Variants in SNTB2 observed in about 807,000 individuals in gnomAD.
SNTB2 encodes beta-2-syntrophin.
A neutral mutation model predicts 46.2 loss-of-function variants in SNTB2; 34 were observed. That is an observed-to-expected ratio of 0.74 (90% confidence interval 0.56 to 0.98). The LOEUF is 0.98. Among genes scored for constraint, SNTB2 ranks in the 50% least tolerant of loss-of-function variants. SNTB2 has a pLI of 0.00. For synonymous variants in SNTB2, 290 were observed against 312.6 expected (o/e 0.93, Z 0.76); for missense variants, 603 against 731.4 (o/e 0.82, Z 2.02).
intron 2 of SNTB2, among the ~76,000 whole-genome samples, chr16:69,258,605 C>CTTTTTTTT (rs67116274): frequency 1.7e-4 from 14 of 83,500 alleles, no homozygotes; most frequent in South Asian, 4.4e-4. Context: ...CTTGTTCTTT[C>CTTTTTTTT]TTTTTTTTTT....
chr16:69,227,082 T>TAA (rs1214654786), intron 1 of SNTB2, among the ~76,000 whole-genome samples: 1 of 152,216 alleles, frequency 6.6e-6, no homozygotes, highest in African/African-American at 2.4e-5. Context: ...CAAGGGCCTT[T>TAA]TATTCAAACA....
chr16:69,187,195 C>A lies in SNTB2; in HGVS notation c.29C>A (p.Ala10Asp), dbSNP rs1963996157. 3 of 1,384,244 alleles carry A rather than the reference C, an allele frequency of 2.2e-6. No homozygotes were observed. Among genetic ancestry groups the A allele is most frequent in the Non-Finnish European group, 1.9e-6 (2 of 1,067,008 alleles). The allele number at this position is 1,384,244 out of a possible 1,614,324, so 85.7% of individuals were successfully genotyped here. The part of the protein sequence containing the change: MRVAAATAA[A>D]GAGPAMAVWT... ...AGGGTAGCTGCGGCGACTGCGGCGG[C>A]TGGAGCGGGGCCGGCCATGGCGGTG... Residue 10 changes from alanine to aspartate, a missense_variant, in exon 1 of 7, where the codon GCT (alanine) becomes GAT (aspartate). By Grantham distance (126) the Ala-to-Asp change is moderately radical. This residue lies in a region of SNTB2 where 66 missense variants were observed against 39.0 expected (regional missense o/e 1.69). Transcript: ENST00000336278.
At chr16:69,192,849 T>C (rs763780416) in intron 1 of SNTB2, among the ~76,000 whole-genome samples, 2 of 152,208 alleles carry the variant, frequency 1.3e-5, no homozygotes, top group Non-Finnish European at 2.9e-5. Context: ...ATAAAAGAAA[T>C]ATAAAATTCA....
intron 2 of SNTB2, among the ~76,000 whole-genome samples, chr16:69,257,377 T>G (rs1964787817): frequency 1.3e-5 from 2 of 151,928 alleles, no homozygotes; most frequent in Admixed American, 1.3e-4. Flanking sequence ...AACTTTCAAA[T>G]ATGGACTTTT....
chr16:69,197,546 A>G (rs1237470837), intron 1 of SNTB2, among the ~76,000 whole-genome samples: 1 of 152,184 alleles, frequency 6.6e-6, no homozygotes, highest in African/African-American at 2.4e-5. Context: ...TTGTAATGTA[A>G]AAATTAATTT....
At chr16:69,292,396 A>AT (rs1965175115) in intron 5 of SNTB2, among the ~76,000 whole-genome samples, 2 of 30,934 alleles carry the variant, frequency 6.5e-5, no homozygotes, top group East Asian at 6.6e-4. Flanking sequence ...TATATTATAT[A>AT]TATATATATA....
At chr16:69,214,142 A>AT (rs1567399253) in intron 1 of SNTB2, among the ~76,000 whole-genome samples, 2 of 95,306 alleles carry the variant, frequency 2.1e-5, no homozygotes, top group African/African-American at 4.3e-5. Flanking sequence ...TTTTTTTTTT[A>AT]TTTTTTTTGA....
At chr16:69,213,522 T>C (rs1178373724) in intron 1 of SNTB2, among the ~76,000 whole-genome samples, 1 of 151,860 alleles carries the variant, frequency 6.6e-6, no homozygotes, top group Non-Finnish European at 1.5e-5. Context: ...TTTTTTGAGA[T>C]GGAGTCTCAC....
chr16:69,187,781 C>T, intron 1 of SNTB2, 35 bp downstream of exon 1: 1 of 1,276,716 alleles, frequency 7.8e-7, no homozygotes. Flanking sequence ...GGGCAGGCCG[C>T]GGCGGCCTGG....
chr16:69,229,350 TG>T (rs1177595505), intron 1 of SNTB2, among the ~76,000 whole-genome samples: 3 of 151,934 alleles, frequency 2.0e-5, no homozygotes, highest in Non-Finnish European at 2.9e-5. Flanking sequence ...TTTAATTTTT[TG>T]TAGAGATAGG....
intron 4 of SNTB2, among the ~76,000 whole-genome samples, chr16:69,283,153 G>A (rs1463158839): frequency 6.6e-6 from 1 of 152,072 alleles, no homozygotes; most frequent in Non-Finnish European, 1.5e-5. Flanking sequence ...TAAAGACAGG[G>A]TGTCTCTGTA....
chr16:69,259,838 G>A lies in SNTB2; in HGVS notation c.795-212G>A, dbSNP rs973849715. 1.3e-4 allele frequency among the ~76,000 whole-genome samples: 19 copies of A among 150,892 alleles called. 1 individual carries two copies. The Admixed American group carries it at 1.3e-3, about 10-fold the overall frequency. On this transcript the variant is annotated intron_variant, in intron 2 of 6. Coordinates refer to ENST00000336278, the MANE Select transcript of SNTB2 (RefSeq NM_006750.4). The stretch of plus-strand genomic sequence containing the variant: ...TTGCCCAGGCTGGTCTCGAACTCCT[G>A]AGCTCAGGCAATCCCCCTGCCTTGG...
intron 1 of SNTB2, 98 bp downstream of exon 1, chr16:69,187,844 C>G: frequency 2.1e-6 from 2 of 954,956 alleles, no homozygotes; most frequent in South Asian, 4.1e-5. Context: ...AGCCGGTTCT[C>G]TCCCCGTCTC....
At chr16:69,215,002 CCTGA>C (rs1964332641) in intron 1 of SNTB2, among the ~76,000 whole-genome samples, 4 of 151,750 alleles carry the variant, frequency 2.6e-5, no homozygotes, top group Non-Finnish European at 5.9e-5. Flanking sequence ...TGCCACCATG[CCTGA>C]CTAATTCTGT....
At chr16:69,279,245 C>T (rs1965013409) in intron 4 of SNTB2, among the ~76,000 whole-genome samples, 1 of 152,114 alleles carries the variant, frequency 6.6e-6, no homozygotes, top group African/African-American at 2.4e-5. Flanking sequence ...TTGGATACCT[C>T]ATGTAAGTAG....
chr16:69,267,624 G>GT (rs369539782), intron 3 of SNTB2, among the ~76,000 whole-genome samples: 42 of 151,850 alleles, frequency 2.8e-4, no homozygotes, highest in African/African-American at 4.1e-4. Flanking sequence ...GTTAGGTTTT[G>GT]TTTTTTTTGC....
At chr16:69,247,230 GT>G (rs1209512429) in intron 2 of SNTB2, among the ~76,000 whole-genome samples, 13 of 152,140 alleles carry the variant, frequency 8.5e-5, no homozygotes, top group Non-Finnish European at 1.8e-4. Flanking sequence ...CTTGACCTCA[GT>G]TTCCTCATTT....
At chr16:69,298,658 A>G (rs530400849) in intron 5 of SNTB2, among the ~76,000 whole-genome samples, 1 of 151,304 alleles carries the variant, frequency 6.6e-6, no homozygotes, top group African/African-American at 2.4e-5. Flanking sequence ...AGTAGCTGGG[A>G]TTACAGGCAT....
intron 3 of SNTB2, among the ~76,000 whole-genome samples, chr16:69,262,336 C>T (rs569074852): frequency 4.0e-5 from 6 of 151,518 alleles, no homozygotes; most frequent in African/African-American, 7.3e-5. Flanking sequence ...AATGGAGTCT[C>T]GCTGTGTCAG....
Sources: gnomAD v4.1 joint callset for allele counts (sites outside exome capture counted in the v4.1 genomes callset) on GRCh38, gnomAD v4.1.1 for gene constraint, gnomAD v4.1.1 regional missense constraint, MANE v1.5 for transcripts, NCBI Gene and HGNC (gene_info 2026-07-23, HGNC 2026-07-21) for gene names.